FAM117A: variants seen among roughly 807,000 people sequenced by gnomAD.
FAM117A encodes the protein family with sequence similarity 117 member A.
In FAM117A, 21 loss-of-function variants were observed where a neutral mutation model predicts 44.1. The observed-to-expected ratio is 0.48, with a 90% confidence interval of 0.34 to 0.69. FAM117A has a LOEUF of 0.69. FAM117A is among the 30% of genes least tolerant of loss of function. The pLI, the probability that FAM117A is intolerant of heterozygous loss-of-function variation, is 0.01. For missense variants in FAM117A, 498 were observed against 589.9 expected (o/e 0.84, Z 1.61); for synonymous variants, 220 against 238.3 (o/e 0.92, Z 0.71).
intron 1 of FAM117A, among the ~76,000 whole-genome samples, chr17:49,740,283 T>C (rs979093468): frequency 1.3e-5 from 2 of 151,826 alleles, no homozygotes; most frequent in Non-Finnish European, 2.9e-5. Flanking sequence ...AGTCTCACTC[T>C]GTCCCTCAGG....
intron 1 of FAM117A, among the ~76,000 whole-genome samples, chr17:49,763,467 C>G (rs1354196778): frequency 1.3e-5 from 2 of 151,750 alleles, no homozygotes; most frequent in Non-Finnish European, 2.9e-5. Context: ...TGCCCCTCCC[C>G]CTCCCCGTGC....
At chr17:49,763,677 C>A (rs538361848) in intron 1 of FAM117A, among the ~76,000 whole-genome samples, 1 of 152,126 alleles carries the variant, frequency 6.6e-6, no homozygotes, top group East Asian at 1.9e-4. Context: ...CCTCCGGGAC[C>A]CGACTCCCCG....
At chr17:49,783,782 G>T (rs1337490995) in intron 1 of FAM117A, among the ~76,000 whole-genome samples, 1 of 152,204 alleles carries the variant, frequency 6.6e-6, no homozygotes, top group East Asian at 1.9e-4. Flanking sequence ...GAAGTTATGA[G>T]ATTGACCTGG....
intron 2 of FAM117A, among the ~76,000 whole-genome samples, chr17:49,728,872 A>C (rs962879045): frequency 1.3e-5 from 2 of 152,210 alleles, no homozygotes; most frequent in African/African-American, 4.8e-5. Flanking sequence ...TACCATGTTC[A>C]CACATCCTCC....
chr17:49,739,449 C>T (rs535773642), intron 1 of FAM117A, among the ~76,000 whole-genome samples: 61 of 152,176 alleles, frequency 4.0e-4, no homozygotes, highest in Non-Finnish European at 8.1e-4. Flanking sequence ...CAGGTCAACA[C>T]TTAAGTTCTG....
chr17:49,732,387 A>G, intron 2 of FAM117A, 164 bp downstream of exon 2: 2 of 650,612 alleles, frequency 3.1e-6, no homozygotes, highest in Non-Finnish European at 5.0e-6. Flanking sequence ...CCTGGGTGAC[A>G]AAAGGAAACT....
chr17:49,749,676 C>T (rs1020237092), intron 1 of FAM117A, among the ~76,000 whole-genome samples: 1 of 147,700 alleles, frequency 6.8e-6, no homozygotes, highest in Non-Finnish European at 1.5e-5. Context: ...AGTTCCTGGC[C>T]ATCCTGAATA....
intron 1 of FAM117A, among the ~76,000 whole-genome samples, chr17:49,740,056 C>T (rs1436406567): frequency 6.6e-6 from 1 of 152,200 alleles, no homozygotes; most frequent in African/African-American, 2.4e-5. Context: ...CCACTTGGTC[C>T]TGTCTCACAA....
intron 2 of FAM117A, among the ~76,000 whole-genome samples, chr17:49,726,962 G>C (rs1184208350): frequency 6.6e-6 from 1 of 151,416 alleles, no homozygotes; most frequent in Non-Finnish European, 1.5e-5. Flanking sequence ...CTGGGCAATA[G>C]AGTGAGACCC....
In FAM117A at chr17:49,749,864, G is replaced by A. The variant is rs917425176; in HGVS notation, c.196+14028C>T. ...GACCAGCTATGGTCTCCTAAGAGGT[G>A]GCCTACTATAACGGTCAATACCTGG... is the stretch of plus-strand genomic sequence containing the variant. On this transcript the variant is annotated intron_variant, in intron 1 of 7. Transcript: ENST00000240364. 2.8e-4 allele frequency among the ~76,000 whole-genome samples: 41 copies of A among 148,372 alleles called. 1 individual carries two copies. Among genetic ancestry groups the A allele is most frequent in the African/African-American group, 9.0e-4 (37 of 41,136 alleles).
At chr17:49,789,014 C>T (rs1014433225), upstream of FAM117A, 4 of 538,148 alleles carry the variant, frequency 7.4e-6, no homozygotes, top group African/African-American at 6.0e-5. Context: ...AATGTGGGCC[C>T]GACCCTGGCC....
rs567023583 is a variant in FAM117A, at chr17:49,710,754, A to G, written c.*501T>C. The G allele has an allele frequency of 6.5e-6, 1 of 153,210 alleles. No individual in the cohort carries two copies. Among genetic ancestry groups the G allele is most frequent in the African/African-American group, 2.4e-5 (1 of 41,566 alleles). 9.5% of individuals were successfully genotyped at this position (153,210 alleles called of 1,614,324 possible). ...CCCTCTGCCAGCAGCTGAATTGGTCAAGTGTTATGGCCCGTTAGGGCTGCT... is the reference window on the plus strand; with the variant it reads ...CCCTCTGCCAGCAGCTGAATTGGTCGAGTGTTATGGCCCGTTAGGGCTGCT... On this transcript the variant is annotated 3_prime_UTR_variant, in exon 8 of 8. Transcript: ENST00000240364.
intron 1 of FAM117A, among the ~76,000 whole-genome samples, chr17:49,761,411 A>G (rs2073722039): frequency 6.6e-6 from 1 of 152,250 alleles, no homozygotes; most frequent in African/African-American, 2.4e-5. Context: ...AGAGGGAATA[A>G]TAATATAAGC....
chr17:49,724,822 G>GAAA (rs906558600), intron 2 of FAM117A, among the ~76,000 whole-genome samples: 3 of 43,570 alleles, frequency 6.9e-5, no homozygotes, highest in Non-Finnish European at 1.1e-4. Flanking sequence ...ACAGTCTCAA[G>GAAA]AAAAAAAAAA....
At chr17:49,747,774 C>A (rs1380951521) in intron 1 of FAM117A, among the ~76,000 whole-genome samples, 1 of 152,146 alleles carries the variant, frequency 6.6e-6, no homozygotes, top group Non-Finnish European at 1.5e-5. Flanking sequence ...AAATCAGTGG[C>A]AAATTCCCAT....
chr17:49,740,179 A>G (rs536312645), intron 1 of FAM117A, among the ~76,000 whole-genome samples: 34 of 152,284 alleles, frequency 2.2e-4, no homozygotes, highest in South Asian at 6.2e-4. Flanking sequence ...CAAACGGCAG[A>G]TAAGACAATG....
chr17:49,720,141 G>A (rs1236497500), intron 4 of FAM117A, 185 bp downstream of exon 4: 1 of 666,802 alleles, frequency 1.5e-6, no homozygotes, highest in African/African-American at 1.8e-5. Context: ...TAGAAGAGAG[G>A]GAGATTCAGA....
chr17:49,724,734 T>C (rs1259032626), intron 2 of FAM117A, among the ~76,000 whole-genome samples: 1 of 149,826 alleles, frequency 6.7e-6, no homozygotes, highest in Admixed American at 6.7e-5. Flanking sequence ...GGCACGAGAA[T>C]TGCTTGAACT....
chr17:49,783,271 T>C (rs1328206171), intron 1 of FAM117A, among the ~76,000 whole-genome samples: 2 of 152,152 alleles, frequency 1.3e-5, no homozygotes, highest in South Asian at 2.1e-4. Flanking sequence ...GATGTCTTCA[T>C]CATAAGACAG....
Sources: allele counts gnomAD v4.1 joint callset (sites outside exome capture counted in the v4.1 genomes callset), GRCh38; gene constraint gnomAD v4.1.1; transcripts MANE v1.5; gene names NCBI Gene and HGNC (gene_info 2026-07-23, HGNC 2026-07-21).